The following SORCS3 variants were observed in gnomAD, a reference collection of about 807,000 sequenced individuals.
The protein encoded by SORCS3 is sortilin related VPS10 domain containing receptor 3.
In SORCS3, 57 loss-of-function variants were observed where a neutral mutation model predicts 146.3. The observed-to-expected ratio is 0.39, with a 90% CI of 0.31 to 0.49. The LOEUF (loss-of-function observed/expected upper bound fraction) is 0.49. Ranked by LOEUF, SORCS3 falls within the 20% of genes least tolerant of loss-of-function variation. The pLI is 0.92. For missense variants in SORCS3, 1,341 were observed against 1,575.5 expected (o/e 0.85, Z 2.52); for synonymous variants, 653 against 618.5 (o/e 1.06, Z -0.83).
At chr10:104,885,660 T>A (rs574644359) in intron 2 of SORCS3, among the ~76,000 whole-genome samples, 4 of 152,324 alleles carry the variant, frequency 2.6e-5, no homozygotes, top group Admixed American at 1.3e-4. Context: ...CCCATTCTCA[T>A]GCCATCCTAC....
chr10:105,111,476 G>T (rs1044364273), intron 7 of SORCS3, among the ~76,000 whole-genome samples: 13 of 152,188 alleles, frequency 8.5e-5, no homozygotes, highest in Admixed American at 7.9e-4. Context: ...TTCTCAGGAA[G>T]TGTAGTTAGT....
rs938083575 is a variant in SORCS3, at chr10:105,085,387, C to T, written c.1029-4388C>T. ...CAGCAGCCAAGTTATTTTACTATAC[C>T]TCTGGCCAGCTGAGCAGCTTCATTT... On this transcript the variant is annotated intron_variant, in intron 5 of 26. Coordinates refer to ENST00000369701, the MANE Select transcript of SORCS3 (RefSeq NM_014978.3). 2.8e-4 allele frequency among the ~76,000 whole-genome samples: 43 copies of T among 152,282 alleles called. 1 individual carries two copies. The highest frequency in any genetic ancestry group is 3.4e-3 in the Middle Eastern group (1 of 294).
chr10:105,020,504 G>A (rs1040572055), intron 4 of SORCS3, among the ~76,000 whole-genome samples: 3 of 152,006 alleles, frequency 2.0e-5, no homozygotes, highest in African/African-American at 7.2e-5. Flanking sequence ...ATGAATATTG[G>A]GGATAGTAAG....
chr10:105,065,413 A>AC (rs1207705227), intron 5 of SORCS3, among the ~76,000 whole-genome samples: 1 of 152,042 alleles, frequency 6.6e-6, no homozygotes, highest in Non-Finnish European at 1.5e-5. Context: ...TACAAAAAAA[A>AC]AATCAGTCTG....
intron 1 of SORCS3, among the ~76,000 whole-genome samples, chr10:104,680,459 CT>C (rs1270390111): frequency 6.6e-6 from 1 of 152,218 alleles, no homozygotes; most frequent in African/African-American, 2.4e-5. Flanking sequence ...CGACCTTCTC[CT>C]CTTTCCCTGG....
intron 1 of SORCS3, among the ~76,000 whole-genome samples, chr10:104,826,643 G>T (rs953893258): frequency 6.6e-6 from 1 of 152,178 alleles, no homozygotes; most frequent in Non-Finnish European, 1.5e-5. Context: ...AGAGGGTCTT[G>T]CCTCAATGTC....
At chr10:104,760,337 T>A (rs2017105475) in intron 1 of SORCS3, among the ~76,000 whole-genome samples, 1 of 152,230 alleles carries the variant, frequency 6.6e-6, no homozygotes, top group Admixed American at 6.5e-5. Context: ...AACACTTGTA[T>A]GTATACCTGT....
intron 4 of SORCS3, 46 bp downstream of exon 4, chr10:104,977,539 C>T (rs773069055): frequency 6.6e-7 from 1 of 1,507,280 alleles, no homozygotes; most frequent in Admixed American, 2.0e-5. Flanking sequence ...CCAGGTACCA[C>T]CATGTGAAAA....
In SORCS3 at chr10:105,225,061, T is replaced by G. The variant is rs1434376165; in HGVS notation, c.2868+1812T>G. Among the ~76,000 whole-genome samples the G allele has an allele frequency of 3.9e-5, 6 of 152,286 alleles. No homozygotes were observed. The East Asian group carries it at 1.2e-3, about 29-fold the overall frequency. ...TTTTCAACTTCTTGATAGTGTCTTT[T>G]GTAGACAAAAGTTTTTAATTTTAAG... On this transcript the variant is annotated intron_variant, in intron 20 of 26. Transcript: ENST00000369701.
chr10:104,660,546 C>T (rs1168461735), intron 1 of SORCS3, among the ~76,000 whole-genome samples: 2 of 152,184 alleles, frequency 1.3e-5, no homozygotes, highest in African/African-American at 2.4e-5. Flanking sequence ...CCTCACCCTC[C>T]CCTCTACCCA....
intron 4 of SORCS3, among the ~76,000 whole-genome samples, chr10:105,036,285 T>C (rs2055305539): frequency 6.6e-6 from 1 of 152,150 alleles, no homozygotes; most frequent in Admixed American, 6.5e-5. Flanking sequence ...CACTCCTTCC[T>C]TTGAGTTCTC....
rs539528838 is a variant in SORCS3 at position 104,913,587 on chromosome 10, T to G, written c.696-2246T>G. Reference sequence around the variant, plus strand: ...TTCAGTAAACGTGAAACGTGCTGAGTGTGCATAATGTGTAAAACTTTGTGC... The same window carrying G: ...TTCAGTAAACGTGAAACGTGCTGAGGGTGCATAATGTGTAAAACTTTGTGC... On this transcript the variant is annotated intron_variant, in intron 2 of 26. Coordinates refer to ENST00000369701, the MANE Select transcript of SORCS3 (RefSeq NM_014978.3). Among the ~76,000 whole-genome samples, 20 of 152,252 alleles carry G rather than the reference T, an allele frequency of 1.3e-4. No individual in the cohort carries two copies. In the South Asian group the frequency reaches 3.9e-3, roughly 30 times the overall value.
intron 6 of SORCS3, among the ~76,000 whole-genome samples, chr10:105,100,906 A>G (rs1277295079): frequency 6.6e-6 from 1 of 152,212 alleles, no homozygotes; most frequent in Non-Finnish European, 1.5e-5. Flanking sequence ...CAGTCCTCAG[A>G]GGCACATACT....
chr10:104,728,205 C>A (rs1466225046), intron 1 of SORCS3, among the ~76,000 whole-genome samples: 1 of 152,058 alleles, frequency 6.6e-6, no homozygotes, highest in Non-Finnish European at 1.5e-5. Context: ...TTTGTTCCAT[C>A]CCTCATTATT....
intron 19 of SORCS3, among the ~76,000 whole-genome samples, chr10:105,220,968 T>C (rs1424817135): frequency 2.0e-5 from 3 of 152,160 alleles, no homozygotes; most frequent in Non-Finnish European, 2.9e-5. Context: ...GTTGAAAGTG[T>C]TTGCTAAGAG....
At chr10:104,965,212 T>C (rs2054819638) in intron 3 of SORCS3, among the ~76,000 whole-genome samples, 1 of 152,212 alleles carries the variant, frequency 6.6e-6, no homozygotes, top group Admixed American at 6.5e-5. Flanking sequence ...TGCTTTCAAT[T>C]GCAAGAGTCT....
chr10:105,192,480 C>T (rs2056522257), intron 14 of SORCS3, among the ~76,000 whole-genome samples: 1 of 152,054 alleles, frequency 6.6e-6, no homozygotes. Flanking sequence ...GTCGGCTTCA[C>T]CCTGCTCTGT....
chr10:105,225,281 T>C (rs1447464508), intron 20 of SORCS3, among the ~76,000 whole-genome samples: 3 of 152,118 alleles, frequency 2.0e-5, no homozygotes, highest in Non-Finnish European at 4.4e-5. Flanking sequence ...TATACCTAGA[T>C]TCATTTTTTT....
At chr10:105,062,120 A>G (rs1284242133) in intron 5 of SORCS3, among the ~76,000 whole-genome samples, 1 of 152,236 alleles carries the variant, frequency 6.6e-6, no homozygotes, top group East Asian at 1.9e-4. Flanking sequence ...GGTAAATAAC[A>G]ATGAAATAAT....
Sources: allele counts gnomAD v4.1 joint callset (sites outside exome capture counted in the v4.1 genomes callset), GRCh38; gene constraint gnomAD v4.1.1; transcripts MANE v1.5; gene names NCBI Gene and HGNC (gene_info 2026-07-23, HGNC 2026-07-21).